ST8SIA2: variants seen among roughly 807,000 people sequenced by gnomAD.
The protein encoded by ST8SIA2 is ST8 alpha-N-acetyl-neuraminide alpha-2,8-sialyltransferase 2.
ST8SIA2 carries 22 observed loss-of-function variants against 37.6 expected under a neutral mutation model. The ratio of observed to expected loss-of-function variants is 0.58; its 90% CI spans 0.42 to 0.83. ST8SIA2 has a LOEUF of 0.83. Among genes scored for constraint, ST8SIA2 ranks in the 40% least tolerant of loss-of-function variants. The pLI is 0.00. For missense variants in ST8SIA2, 382 were observed against 484.7 expected, an observed-to-expected ratio of 0.79 and a Z score of 1.99; for synonymous variants, 205 against 201.2, an observed-to-expected ratio of 1.02 and a Z score of -0.16.
Position 92,409,476 on chromosome 15 carries a change from G to A in ST8SIA2, c.98+15314G>A, listed in dbSNP as rs115225560. 6.3e-3 allele frequency among the ~76,000 whole-genome samples: 965 copies of A among 152,266 alleles called. 13 individuals are homozygous for A. The highest frequency in any genetic ancestry group is 0.021 in the African/African-American group (880 of 41,544). ...TGGAAATAGGCAGAGATTAGCTGCC[G>A]GAGAGGGTTGTTCTGTCTGGACTAG... On this transcript the variant is annotated intron_variant, in intron 1 of 5. Transcript: ENST00000268164.
chr15:92,436,307 G>A (rs2141832882), intron 3 of ST8SIA2, among the ~76,000 whole-genome samples: 1 of 151,960 alleles, frequency 6.6e-6, no homozygotes, highest in East Asian at 1.9e-4. Flanking sequence ...GGTCCCCAAT[G>A]TCCCTTTCTC....
chr15:92,445,042 G>A, intron 5 of ST8SIA2, 113 bp downstream of exon 5: 2 of 1,502,124 alleles, frequency 1.3e-6, no homozygotes, highest in Non-Finnish European at 1.8e-6. Flanking sequence ...CTCATTTGCT[G>A]GATGGCCTCA....
chr15:92,408,372 C>T (rs2049523646), intron 1 of ST8SIA2, among the ~76,000 whole-genome samples: 2 of 152,186 alleles, frequency 1.3e-5, no homozygotes, highest in African/African-American at 2.4e-5. Context: ...TTCTTGCCTG[C>T]TTGTTAGCTT....
At chr15:92,458,208 G>C (rs2049932917) in intron 5 of ST8SIA2, among the ~76,000 whole-genome samples, 1 of 152,160 alleles carries the variant, frequency 6.6e-6, no homozygotes, top group African/African-American at 2.4e-5. Flanking sequence ...TCCAATCAGG[G>C]ATTCGGGGAT....
intron 4 of ST8SIA2, 48 bp from the exon 5 acceptor site, chr15:92,444,588 G>C (rs745378069): frequency 5.0e-6 from 8 of 1,612,658 alleles, no homozygotes; most frequent in Non-Finnish European, 5.9e-6. Flanking sequence ...AACAGAGGAA[G>C]GGGTCTCAGC....
chr15:92,442,917 C>T (rs927222060), intron 4 of ST8SIA2, among the ~76,000 whole-genome samples: 3 of 152,048 alleles, frequency 2.0e-5, no homozygotes, highest in East Asian at 3.9e-4. Flanking sequence ...GGCCTTTGAG[C>T]AAGTTGATTC....
chr15:92,462,628 T>C (rs2049965369), intron 5 of ST8SIA2, among the ~76,000 whole-genome samples: 1 of 152,244 alleles, frequency 6.6e-6, no homozygotes, highest in African/African-American at 2.4e-5. Flanking sequence ...TACAGTCACA[T>C]GCATCTCTGT....
chr15:92,397,395 C>T (rs2049439579), intron 1 of ST8SIA2, among the ~76,000 whole-genome samples: 1 of 152,148 alleles, frequency 6.6e-6, no homozygotes, highest in South Asian at 2.1e-4. Flanking sequence ...AGACACACAT[C>T]TCTTTTCCTT....
chr15:92,399,989 C>T (rs2049458595), intron 1 of ST8SIA2, among the ~76,000 whole-genome samples: 1 of 152,234 alleles, frequency 6.6e-6, no homozygotes, highest in African/African-American at 2.4e-5. Context: ...GGCCTGGGCT[C>T]CAGCCATTTT....
At chr15:92,460,004 C>T (rs1419558306) in intron 5 of ST8SIA2, among the ~76,000 whole-genome samples, 1 of 152,186 alleles carries the variant, frequency 6.6e-6, no homozygotes, top group African/African-American at 2.4e-5. Flanking sequence ...CAGTCCTCAC[C>T]ATTCCCCACT....
chr15:92,439,364 G>A (rs1276405544), intron 4 of ST8SIA2, among the ~76,000 whole-genome samples: 4 of 152,296 alleles, frequency 2.6e-5, no homozygotes, highest in African/African-American at 9.6e-5. Context: ...CCAGTTGCCT[G>A]GGACATTTGC....
Position 92,464,168 on chromosome 15 carries a change from C to A in ST8SIA2, c.911C>A (p.Thr304Lys). The stretch of plus-strand genomic sequence containing the variant: ...GGCCTCTTGATGTATACCCTGGCCA[C>A]ACGTTTCTGCAAACAAATCTACCTC... ...TTGLLMYTLATRFCKQIYLYG... is the reference protein window; with the variant it reads ...TTGLLMYTLAKRFCKQIYLYG... The change falls in exon 6 of 6, where the codon ACA becomes AAA. Residue 304 changes from threonine to lysine, a missense_variant. Physicochemically the swap from Thr to Lys is moderately conservative, Grantham distance 78. Transcript: ENST00000268164. 1 of 1,609,452 alleles carries A rather than the reference C, an allele frequency of 6.2e-7. No individual in the cohort carries two copies. Among genetic ancestry groups the A allele is most frequent in the Non-Finnish European group, 8.5e-7 (1 of 1,178,662 alleles).
chr15:92,446,798 C>T (rs1011966147), intron 5 of ST8SIA2, among the ~76,000 whole-genome samples: 1 of 152,060 alleles, frequency 6.6e-6, no homozygotes, highest in African/African-American at 2.4e-5. Context: ...GTGGAGGGAA[C>T]CTTAAGTGCA....
intron 1 of ST8SIA2, among the ~76,000 whole-genome samples, chr15:92,407,023 A>G (rs1349343399): frequency 6.6e-6 from 1 of 151,876 alleles, no homozygotes; most frequent in Admixed American, 6.6e-5. Context: ...AGAAAAAAAA[A>G]AACACTACAA....
intron 4 of ST8SIA2, 88 bp from the exon 5 acceptor site, chr15:92,444,548 C>A: frequency 6.5e-7 from 1 of 1,544,036 alleles, no homozygotes; most frequent in Non-Finnish European, 8.9e-7. Flanking sequence ...GAGAAAGAAG[C>A]AAGGAGAGGC....
At position 92,444,745 on chromosome 15, in the gene ST8SIA2, G is replaced by A. The variant is rs773079270; in HGVS notation, c.658G>A (p.Ala220Thr). ...IQRAFEDLVNATWREKLLQRL... is the reference protein window; with the variant it reads ...IQRAFEDLVNTTWREKLLQRL... ...GCGGGCCTTTGAGGACTTGGTCAATGCCACGTGGCGGGAGAAGCTGCTGCA... is the reference window on the plus strand; with the variant it reads ...GCGGGCCTTTGAGGACTTGGTCAATACCACGTGGCGGGAGAAGCTGCTGCA... The change falls in exon 5 of 6, where the codon GCC (alanine) becomes ACC (threonine). Residue 220 changes from alanine (A) to threonine (T), a missense_variant. Transcript: ENST00000268164. The A allele has an allele frequency of 6.2e-7, 1 of 1,614,214 alleles. No homozygotes were observed. Among genetic ancestry groups the A allele is most frequent in the African/African-American group, 1.3e-5 (1 of 75,068 alleles).
intron 4 of ST8SIA2, among the ~76,000 whole-genome samples, chr15:92,439,220 AAGTG>A (rs755281407): frequency 6.6e-6 from 1 of 152,190 alleles, no homozygotes; most frequent in Non-Finnish European, 1.5e-5. Flanking sequence ...AACTCTTTGT[AAGTG>A]TCTTGGGAGG....
At chr15:92,430,020 A>C (rs1567216830) in intron 1 of ST8SIA2, 29 bp from the exon 2 acceptor site, 4 of 1,613,750 alleles carry the variant, frequency 2.5e-6, no homozygotes, top group Non-Finnish European at 3.4e-6. Flanking sequence ...AGCTGGGTTT[A>C]TAAATAATGC....
chr15:92,465,483 G>A lies in ST8SIA2; in HGVS notation c.*1098G>A, dbSNP rs2049985754. The A allele has an allele frequency of 6.6e-6, 1 of 152,222 alleles. No individual in the cohort carries two copies. The highest frequency in any genetic ancestry group is 1.9e-4 in the East Asian group (1 of 5,198). 9.4% of individuals were successfully genotyped at this position (152,222 alleles called of 1,614,324 possible). The stretch of plus-strand genomic sequence containing the variant: ...AGTGTGAGACCTGAAAGAATGTTCA[G>A]CATCTAGCTCCATGTCCCTGCAACC... On this transcript the variant is annotated 3_prime_UTR_variant, in exon 6 of 6. Coordinates refer to ENST00000268164, the MANE Select transcript of ST8SIA2 (RefSeq NM_006011.4).
Sources: allele counts gnomAD v4.1 joint callset (sites outside exome capture counted in the v4.1 genomes callset), GRCh38; gene constraint gnomAD v4.1.1; transcripts MANE v1.5; gene names NCBI Gene and HGNC (gene_info 2026-07-23, HGNC 2026-07-21).